DACH1: variants seen among roughly 807,000 people sequenced by gnomAD.
DACH1 encodes dachshund family transcription factor 1, also known as dachshund homolog 1.
In DACH1, 12 loss-of-function variants were observed where a neutral mutation model predicts 54.2. The ratio of observed to expected loss-of-function variants is 0.22; its 90% confidence interval spans 0.14 to 0.36. DACH1 has a LOEUF of 0.36. DACH1 is among the 10% of genes least tolerant of loss of function. DACH1 has a pLI of 1.00. For missense variants in DACH1, 805 were observed against 929.8 expected (o/e 0.87, Z 1.75); for synonymous variants, 386 against 366.2 (o/e 1.05, Z -0.62).
intron 1 of DACH1, among the ~76,000 whole-genome samples, chr13:71,783,982 A>G (rs1446678373): frequency 7.5e-6 from 1 of 133,870 alleles, no homozygotes; most frequent in Admixed American, 7.3e-5. Flanking sequence ...AAAAAAAAAC[A>G]AAAAAAAAAC....
chr13:71,507,793 A>G (rs1880451421), intron 6 of DACH1, among the ~76,000 whole-genome samples: 2 of 152,222 alleles, frequency 1.3e-5, no homozygotes, highest in Admixed American at 1.3e-4. Context: ...TTGGAAATGT[A>G]TATAATTTAT....
At chr13:71,497,584 G>A (rs891030775) in intron 6 of DACH1, among the ~76,000 whole-genome samples, 19 of 151,994 alleles carry the variant, frequency 1.3e-4, no homozygotes, top group Admixed American at 1.2e-3. Flanking sequence ...CGCCTGCCTC[G>A]GCCTCCCAAA....
intron 2 of DACH1, among the ~76,000 whole-genome samples, chr13:71,675,985 TTAAAC>T (rs1218017459): frequency 6.6e-6 from 1 of 152,154 alleles, no homozygotes; most frequent in Non-Finnish European, 1.5e-5. Context: ...TTAAAATACA[TTAAAC>T]TATAAAAAAA....
chr13:71,608,987 C>T (rs917954157), intron 3 of DACH1, among the ~76,000 whole-genome samples: 1 of 152,092 alleles, frequency 6.6e-6, no homozygotes, highest in Non-Finnish European at 1.5e-5. Flanking sequence ...ACAAAAGATA[C>T]ATGAATTGAT....
At chr13:71,766,040 C>T (rs1010235689) in intron 1 of DACH1, among the ~76,000 whole-genome samples, 1 of 152,094 alleles carries the variant, frequency 6.6e-6, no homozygotes, top group African/African-American at 2.4e-5. Flanking sequence ...GCGCCCGCCA[C>T]CACGTCCAGC....
chr13:71,565,379 A>C (rs1037073665), intron 4 of DACH1, among the ~76,000 whole-genome samples: 1 of 152,156 alleles, frequency 6.6e-6, no homozygotes, highest in Non-Finnish European at 1.5e-5. Context: ...TGGTTACATA[A>C]AATTAAACAA....
intron 3 of DACH1, among the ~76,000 whole-genome samples, chr13:71,610,387 T>G (rs1292865996): frequency 1.3e-5 from 2 of 152,184 alleles, no homozygotes; most frequent in Non-Finnish European, 1.5e-5. Flanking sequence ...CAAAGTGATG[T>G]TTCTACCCCT....
chr13:71,779,590 G>A (rs754088461), intron 1 of DACH1, among the ~76,000 whole-genome samples: 1 of 151,926 alleles, frequency 6.6e-6, no homozygotes, highest in Non-Finnish European at 1.5e-5. Flanking sequence ...CTTGCAGAGC[G>A]CTTTGCATAC....
At chr13:71,687,612 A>G (rs1199569112) in intron 1 of DACH1, among the ~76,000 whole-genome samples, 1 of 152,110 alleles carries the variant, frequency 6.6e-6, no homozygotes, top group Non-Finnish European at 1.5e-5. Flanking sequence ...CATAAAAACA[A>G]ATTTTTGTTT....
intron 1 of DACH1, among the ~76,000 whole-genome samples, chr13:71,843,444 T>G (rs1294668614): frequency 6.6e-6 from 1 of 152,030 alleles, no homozygotes. Context: ...TTTTTGTATT[T>G]TATAGAAACA....
intron 4 of DACH1, among the ~76,000 whole-genome samples, chr13:71,571,328 C>T (rs967011733): frequency 2.0e-5 from 3 of 152,078 alleles, no homozygotes; most frequent in African/African-American, 7.2e-5. Context: ...TTTCCCTCCG[C>T]CAAACTCCTC....
intron 1 of DACH1, among the ~76,000 whole-genome samples, chr13:71,855,902 C>T (rs1038686117): frequency 2.6e-5 from 4 of 151,848 alleles, no homozygotes; most frequent in African/African-American, 9.7e-5. Flanking sequence ...TTAAAAAGTA[C>T]AAAATAGTTG....
At chr13:71,536,998 T>C (rs1385076806) in intron 6 of DACH1, among the ~76,000 whole-genome samples, 1 of 152,124 alleles carries the variant, frequency 6.6e-6, no homozygotes, top group Non-Finnish European at 1.5e-5. Flanking sequence ...TAGAATCCTG[T>C]CATTCCTCTG....
In DACH1 at chr13:71,439,385, CACAT is replaced by C. The variant is rs1873805176; in HGVS notation, c.*1266_*1269del. 1 of 152,430 alleles carries C rather than the reference CACAT, an allele frequency of 6.6e-6. No individual in the cohort carries two copies. Among genetic ancestry groups the C allele is most frequent in the Admixed American group, 6.6e-5 (1 of 15,262 alleles). The allele number at this position is 152,430 out of a possible 1,614,324, so 9.4% of individuals were successfully genotyped here. ...ACTTTCAAAAAGACAGTGAAAATAACACATAGCCACCCTTCCCTCTGACAAGGGT... is the reference window on the plus strand; with the variant it reads ...ACTTTCAAAAAGACAGTGAAAATAACAGCCACCCTTCCCTCTGACAAGGGT... On this transcript the variant is annotated 3_prime_UTR_variant, in exon 11 of 11. Coordinates refer to ENST00000613252, the MANE Select transcript of DACH1 (RefSeq NM_080759.6).
chr13:71,700,224 A>G (rs908392459), intron 1 of DACH1, among the ~76,000 whole-genome samples: 3 of 152,120 alleles, frequency 2.0e-5, no homozygotes, highest in African/African-American at 7.2e-5. Flanking sequence ...CAAAGAAAAA[A>G]ATTGATCTTA....
At chr13:71,649,597 TC>T (rs1878533513) in intron 2 of DACH1, among the ~76,000 whole-genome samples, 1 of 152,160 alleles carries the variant, frequency 6.6e-6, no homozygotes, top group Non-Finnish European at 1.5e-5. Context: ...GACACTAATT[TC>T]CATAACAAAC....
chr13:71,848,261 T>C (rs985276217), intron 1 of DACH1, among the ~76,000 whole-genome samples: 2 of 152,276 alleles, frequency 1.3e-5, no homozygotes, highest in East Asian at 1.9e-4. Context: ...GTTTGTCTTA[T>C]CTTGCTTCTC....
intron 1 of DACH1, among the ~76,000 whole-genome samples, chr13:71,751,069 A>T (rs1314328021): frequency 4.6e-5 from 7 of 152,240 alleles, no homozygotes; most frequent in Non-Finnish European, 8.8e-5. Context: ...TGGCAGTCAG[A>T]TGTTTACATA....
chr13:71,605,421 T>C (rs1488467749), intron 3 of DACH1, among the ~76,000 whole-genome samples: 1 of 151,774 alleles, frequency 6.6e-6, no homozygotes, highest in South Asian at 2.1e-4. Flanking sequence ...CAAACTTCTA[T>C]TTATGAAATC....
Sources: gnomAD v4.1 joint callset for allele counts (sites outside exome capture counted in the v4.1 genomes callset) on GRCh38, gnomAD v4.1.1 for gene constraint, MANE v1.5 for transcripts, NCBI Gene and HGNC (gene_info 2026-07-23, HGNC 2026-07-21) for gene names.